Variants in SBF2 observed in about 807,000 individuals in gnomAD.
The protein encoded by SBF2 is myotubularin-related protein 13.
A neutral mutation model predicts 225.2 loss-of-function variants in SBF2; 112 were observed. The observed-to-expected ratio is 0.50, with a 90% CI of 0.43 to 0.58. SBF2 has a LOEUF of 0.58. Among genes scored for constraint, SBF2 ranks in the 20% least tolerant of loss-of-function variants. SBF2 has a pLI of 0.00. For synonymous variants in SBF2, 763 were observed against 773.3 expected (o/e 0.99, Z 0.22); for missense variants, 1,996 against 2,206.2 (o/e 0.90, Z 1.91).
At chr11:9,785,873 G>GAT (rs746768857) in intron 36 of SBF2, among the ~76,000 whole-genome samples, 1 of 46,682 alleles carries the variant, frequency 2.1e-5, no homozygotes, top group African/African-American at 4.7e-5. Flanking sequence ...AGATGTTGAT[G>GAT]GTTTTTTTTT....
chr11:10,294,869 C>T (rs888539244), upstream of SBF2, among the ~76,000 whole-genome samples: 9 of 152,242 alleles, frequency 5.9e-5, no homozygotes, highest in African/African-American at 2.2e-4. Flanking sequence ...CCTGGGGAGC[C>T]CCGCACGCCT....
chr11:9,852,447 G>A (rs540551042), intron 21 of SBF2, among the ~76,000 whole-genome samples: 2 of 152,152 alleles, frequency 1.3e-5, no homozygotes, highest in South Asian at 4.1e-4. Flanking sequence ...GACTCAATGA[G>A]AGGTTATTAT....
At chr11:10,031,759 T>C (rs948080792) in intron 3 of SBF2, among the ~76,000 whole-genome samples, 2 of 152,346 alleles carry the variant, frequency 1.3e-5, no homozygotes, top group Non-Finnish European at 1.5e-5. Flanking sequence ...GTTTCCGTTT[T>C]TGAAACAAGG....
chr11:9,987,888 C>A (rs1458600566), intron 13 of SBF2, among the ~76,000 whole-genome samples: 2 of 152,080 alleles, frequency 1.3e-5, no homozygotes, highest in African/African-American at 4.8e-5. Context: ...GGAATACCAT[C>A]ATCATTCTTC....
At chr11:9,817,064 G>A in intron 28 of SBF2, 40 bp from the exon 29 acceptor site, 2 of 1,607,640 alleles carry the variant, frequency 1.2e-6, no homozygotes, top group South Asian at 1.1e-5. Context: ...ATAATCTAAT[G>A]TGGGAATGCC....
chr11:9,843,494 T>C (rs1856313583), intron 24 of SBF2, among the ~76,000 whole-genome samples: 1 of 152,244 alleles, frequency 6.6e-6, no homozygotes, highest in Admixed American at 6.5e-5. Flanking sequence ...ACAGAAAATC[T>C]AGGCAATCCA....
intron 2 of SBF2, among the ~76,000 whole-genome samples, chr11:10,176,598 G>A (rs1321183372): frequency 1.3e-5 from 2 of 152,120 alleles, no homozygotes; most frequent in African/African-American, 4.8e-5. Flanking sequence ...TAGAAGAAAT[G>A]GATAAATTCC....
intron 32 of SBF2, among the ~76,000 whole-genome samples, chr11:9,797,098 A>G (rs555052662): frequency 6.6e-6 from 1 of 152,316 alleles, no homozygotes; most frequent in African/African-American, 2.4e-5. Context: ...TCAAATTAAC[A>G]CTAAATTTAG....
In SBF2 at chr11:9,816,848, GCGAC is replaced by G; in HGVS notation, c.3966_3969del (p.Lys1322AsnfsTer3). ...GAAAAAAGAAATCTTACCCTTAGTT[GCGAC>G]TTTTCACCAAATATGTAAAGGGCTG... On this transcript the variant is annotated frameshift_variant, in exon 29 of 40. Transcript: ENST00000256190. LOFTEE classifies it high-confidence loss of function. The G allele has an allele frequency of 1.2e-6, 2 of 1,614,060 alleles. No homozygotes were observed. Among genetic ancestry groups the G allele is most frequent in the Non-Finnish European group, 1.7e-6 (2 of 1,179,972 alleles).
At chr11:10,223,480 C>T (rs995843745) in intron 1 of SBF2, among the ~76,000 whole-genome samples, 11 of 125,584 alleles carry the variant, frequency 8.8e-5, no homozygotes, top group African/African-American at 2.1e-4. Flanking sequence ...GAAAAGAAAA[C>T]GTTTTAAAAT....
rs7930396 is a variant in SBF2 at position 9,966,681 on chromosome 11, G to C, written c.1600+1660C>G. On this transcript the variant is annotated intron_variant, in intron 14 of 39. Coordinates refer to ENST00000256190, the MANE Select transcript of SBF2 (RefSeq NM_030962.4). ...GTAGGGGACTTATATATAGAATATAGAGAGTATGCTTACAACTCAATAATA... is the reference window on the plus strand; with the variant it reads ...GTAGGGGACTTATATATAGAATATACAGAGTATGCTTACAACTCAATAATA... Among the ~76,000 whole-genome samples, 23 of 152,348 alleles carry C rather than the reference G, an allele frequency of 1.5e-4. No homozygotes were observed. In the South Asian group the frequency reaches 1.7e-3, roughly 11 times the overall value.
At chr11:9,884,924 CAAAGA>C (rs753026282) in intron 17 of SBF2, among the ~76,000 whole-genome samples, 4 of 152,002 alleles carry the variant, frequency 2.6e-5, no homozygotes, top group Non-Finnish European at 4.4e-5. Context: ...ATCCATAAAC[CAAAGA>C]AAGCTTTCTG....
intron 1 of SBF2, among the ~76,000 whole-genome samples, chr11:10,204,972 C>T (rs1957701878): frequency 1.4e-5 from 2 of 146,664 alleles, no homozygotes; most frequent in Non-Finnish European, 3.0e-5. Context: ...AACACATGGA[C>T]ATAGGGAGGG....
intron 2 of SBF2, among the ~76,000 whole-genome samples, chr11:10,072,929 CATT>C (rs1422420572): frequency 1.3e-5 from 2 of 150,810 alleles, no homozygotes; most frequent in East Asian, 3.9e-4. Context: ...TCATCATCAT[CATT>C]ATTTTTGGTA....
rs149501654 is a variant in SBF2 at position 9,812,576 on chromosome 11, C to T, written c.4111G>A (p.Val1371Met). The T allele has an allele frequency of 6.2e-7, 1 of 1,614,220 alleles. No individual in the cohort carries two copies. Among genetic ancestry groups the T allele is most frequent in the Admixed American group, 1.7e-5 (1 of 60,026 alleles). Reference sequence around the variant, plus strand: ...TCTCCCAGCGCTTTCAGGAAGGTCACTTCTGAGTCAGTAGGGATGGTGCTT... The same window carrying T: ...TCTCCCAGCGCTTTCAGGAAGGTCATTTCTGAGTCAGTAGGGATGGTGCTT... ...IPSTIPTDSE[V>M]TFLKALGDSE... Residue 1371 changes from valine to methionine, a missense_variant, in exon 30 of 40, where the codon GTG becomes ATG. Physicochemically the swap from Val to Met is conservative, Grantham distance 21 (BLOSUM62 1). Transcript: ENST00000256190.
intron 16 of SBF2, among the ~76,000 whole-genome samples, chr11:9,911,750 T>C (rs545140657): frequency 6.6e-6 from 1 of 152,348 alleles, no homozygotes; most frequent in Non-Finnish European, 1.5e-5. Context: ...CTTAATCTTT[T>C]ATACTGTATT....
chr11:10,240,075 T>G (rs1349418301), intron 1 of SBF2, among the ~76,000 whole-genome samples: 1 of 152,072 alleles, frequency 6.6e-6, no homozygotes, highest in Non-Finnish European at 1.5e-5. Flanking sequence ...CAAAAACCAA[T>G]TAGAAGAAAG....
intron 16 of SBF2, among the ~76,000 whole-genome samples, chr11:9,947,119 A>C (rs1865608969): frequency 6.6e-6 from 1 of 152,248 alleles, no homozygotes; most frequent in Non-Finnish European, 1.5e-5. Flanking sequence ...ATGGCAAAAC[A>C]ATTAATTAAA....
At chr11:10,006,387 A>G (rs74767475) in intron 6 of SBF2, among the ~76,000 whole-genome samples, 2 of 152,308 alleles carry the variant, frequency 1.3e-5, no homozygotes, top group Non-Finnish European at 2.9e-5. Flanking sequence ...TTGGATCCCC[A>G]GTCAGCTCCT....
Sources: allele counts gnomAD v4.1 joint callset (sites outside exome capture counted in the v4.1 genomes callset), GRCh38; gene constraint gnomAD v4.1.1; transcripts MANE v1.5; gene names NCBI Gene and HGNC (gene_info 2026-07-23, HGNC 2026-07-21).